UEVLD: variants seen among roughly 807,000 people sequenced by gnomAD.
UEVLD encodes the protein UEV and lactate/malate dehyrogenase domains, also known as ubiquitin-conjugating enzyme E2 variant 3.
Under a neutral mutation model 58.6 loss-of-function variants are expected in UEVLD, and 47 were observed. The observed-to-expected ratio is 0.80, with a 90% confidence interval of 0.63 to 1.02. The LOEUF is 1.02. Among genes scored for constraint, UEVLD ranks in the 50% least tolerant of loss-of-function variants. UEVLD has a pLI of 0.00. For missense variants in UEVLD, 510 were observed against 550.6 expected, an observed-to-expected ratio of 0.93 and a Z score of 0.74; for synonymous variants, 197 against 195.3, an observed-to-expected ratio of 1.01 and a Z score of -0.07.
At chr11:18,546,156 G>A (rs771096009) in intron 8 of UEVLD, among the ~76,000 whole-genome samples, 25 of 152,218 alleles carry the variant, frequency 1.6e-4, no homozygotes, top group Non-Finnish European at 2.9e-4. Context: ...TTTTGAGTAC[G>A]ACAGTTCCAA....
At chr11:18,538,613 C>A (rs945595948) in intron 9 of UEVLD, among the ~76,000 whole-genome samples, 2 of 150,996 alleles carry the variant, frequency 1.3e-5, no homozygotes, top group African/African-American at 4.9e-5. Context: ...ATGGCTGGCA[C>A]CTCTTGCACG....
At chr11:18,552,688 C>A (rs1388359783) in intron 7 of UEVLD, among the ~76,000 whole-genome samples, 1 of 151,570 alleles carries the variant, frequency 6.6e-6, no homozygotes, top group Non-Finnish European at 1.5e-5. Flanking sequence ...ATGGTGAAAC[C>A]CTGTCTCTAC....
At chr11:18,552,483 G>A (rs542735060) in intron 7 of UEVLD, among the ~76,000 whole-genome samples, 1 of 151,664 alleles carries the variant, frequency 6.6e-6, no homozygotes, top group African/African-American at 2.4e-5. Context: ...GGAGGCGGAG[G>A]TGGCAGTGAG....
intron 8 of UEVLD, among the ~76,000 whole-genome samples, chr11:18,546,080 C>T (rs1280020665): frequency 6.6e-6 from 1 of 152,142 alleles, no homozygotes; most frequent in African/African-American, 2.4e-5. Flanking sequence ...ACATTGGGAA[C>T]ATTTAAAAAA....
Position 18,588,681 on chromosome 11 carries a change from C to G in UEVLD, c.-27G>C, listed in dbSNP as rs1853726336. The G allele has an allele frequency of 1.2e-6, 2 of 1,605,232 alleles. No homozygotes were observed. The highest frequency in any genetic ancestry group is 2.7e-5 in the African/African-American group (2 of 74,894). On this transcript the variant is annotated 5_prime_UTR_variant, in exon 1 of 12. Coordinates refer to ENST00000396197, the MANE Select transcript of UEVLD (RefSeq NM_001040697.4). ...TCCAGGCCGGTCCCGAGCTAGGTCC[C>G]AGGACTCCAGCCCCCGGACCTTCTT...
rs890676886 is a variant in UEVLD, at chr11:18,542,890, C to CTTTTTTTTTTTTTTTTTTT, written c.1060+1732_1060+1733insAAAAAAAAAAAAAAAAAAA. Among the ~76,000 whole-genome samples the CTTTTTTTTTTTTTTTTTTT allele has an allele frequency of 4.9e-4, 62 of 125,896 alleles. 1 individual carries two copies. Among genetic ancestry groups the CTTTTTTTTTTTTTTTTTTT allele is most frequent in the Non-Finnish European group, 7.6e-4 (47 of 62,122 alleles). The allele number at this position is 125,896 out of a possible 152,430, so 82.6% of individuals were successfully genotyped here. On this transcript the variant is annotated intron_variant, in intron 9 of 11. Transcript: ENST00000396197. ...CAGAGGAGTTATTTTCTTTTCTTTT[C>CTTTTTTTTTTTTTTTTTTT]TTTTTTTTTTTTTTTTCTTTGAGAC...
At chr11:18,548,201 C>T (rs957173922) in intron 7 of UEVLD, among the ~76,000 whole-genome samples, 1 of 152,236 alleles carries the variant, frequency 6.6e-6, no homozygotes, top group Non-Finnish European at 1.5e-5. Context: ...GACCCTCCAG[C>T]ACACGTTATG....
chr11:18,566,539 C>A, intron 4 of UEVLD, 57 bp from the exon 5 acceptor site: 1 of 1,576,578 alleles, frequency 6.3e-7, no homozygotes, highest in Non-Finnish European at 8.6e-7. Flanking sequence ...AAGAATACTA[C>A]CTTTGTTGAG....
chr11:18,570,194 A>G lies in UEVLD; in HGVS notation c.357+20T>C, dbSNP rs375387299. On this transcript the variant is annotated intron_variant, in intron 4 of 11. Transcript: ENST00000396197. ...AAAAAAAAAAAAAAGCTTTCTGTAGAAAATCCAAATTGATCTTACATGGCT... is the reference window on the plus strand; with the variant it reads ...AAAAAAAAAAAAAAGCTTTCTGTAGGAAATCCAAATTGATCTTACATGGCT... 2 of 1,572,496 alleles carry G rather than the reference A, an allele frequency of 1.3e-6. No individual in the cohort carries two copies. The highest frequency in any genetic ancestry group is 2.8e-5 in the African/African-American group (2 of 71,524).
chr11:18,556,836 T>A (rs1851775547), intron 7 of UEVLD, among the ~76,000 whole-genome samples: 1 of 152,120 alleles, frequency 6.6e-6, no homozygotes, highest in African/African-American at 2.4e-5. Context: ...CTCATGACTG[T>A]AATCCTAGTA....
In UEVLD at chr11:18,583,804, G is replaced by A. The variant is rs529735657; in HGVS notation, c.42+4809C>T. ...AGCCTCTCGAGTAGCTGGGATTACA[G>A]GCATGCACCACCACACCCGGGTAAT... On this transcript the variant is annotated intron_variant, in intron 1 of 11. Transcript: ENST00000396197. Among the ~76,000 whole-genome samples, 6 of 151,960 alleles carry A rather than the reference G, an allele frequency of 3.9e-5. 1 individual carries two copies. The East Asian group carries it at 1.2e-3, about 30-fold the overall frequency.
intron 6 of UEVLD, among the ~76,000 whole-genome samples, chr11:18,562,559 A>AT (rs914066129): frequency 4.0e-5 from 6 of 150,580 alleles, no homozygotes; most frequent in African/African-American, 1.2e-4. Flanking sequence ...AAAAAAAAAA[A>AT]TTTTTTTTGT....
intron 9 of UEVLD, among the ~76,000 whole-genome samples, chr11:18,539,872 T>G (rs1850982357): frequency 6.6e-6 from 1 of 152,244 alleles, no homozygotes; most frequent in African/African-American, 2.4e-5. Context: ...TGTCATGTGA[T>G]TCCTCCCTAG....
rs542526268 is a variant in UEVLD, at chr11:18,578,928, C to T, written c.43-120G>A. 9.7e-5 allele frequency: 61 copies of T among 631,960 alleles called. 1 individual carries two copies. The highest frequency in any genetic ancestry group is 3.6e-4 in the South Asian group (18 of 49,796). The allele number at this position is 631,960 out of a possible 1,614,324, so 39.1% of individuals were successfully genotyped here. On this transcript the variant is annotated intron_variant, in intron 1 of 11. Coordinates refer to ENST00000396197, the MANE Select transcript of UEVLD (RefSeq NM_001040697.4). ...TGTTGCCCAGGCTGGAATGCAGTGG[C>T]GGGATCTCAGCTCACTGCAACCTCC... is the stretch of plus-strand genomic sequence containing the variant.
chr11:18,548,979 A>G (rs987395171), intron 7 of UEVLD, among the ~76,000 whole-genome samples: 2 of 152,360 alleles, frequency 1.3e-5, no homozygotes, highest in African/African-American at 4.8e-5. Context: ...GAAGGGATAT[A>G]CTTAACAATT....
Position 18,563,704 on chromosome 11 carries a change from T to C in UEVLD, c.612+1188A>G, listed in dbSNP as rs191565899. ...AAAAGACTGAATACAACTCAAATTC[T>C]AATTAAGAGGTAATAGCAGGCCAGG... On this transcript the variant is annotated intron_variant, in intron 6 of 11. Transcript: ENST00000396197. The C allele has an allele frequency of 4.0e-5, 39 of 985,654 alleles. No homozygotes were observed. In the African/African-American group the frequency reaches 5.8e-4, roughly 15 times the overall value. The allele number at this position is 985,654 out of a possible 1,614,324, so 61.1% of individuals were successfully genotyped here.
intron 6 of UEVLD, among the ~76,000 whole-genome samples, chr11:18,560,118 CACACACACACACACACACACAGAG>C (rs1437766731): frequency 1.5e-5 from 2 of 137,050 alleles, no homozygotes; most frequent in Non-Finnish European, 3.1e-5. Flanking sequence ...CACACACACA[CACACACACACACACACACACAGAG>C]AGAGAAAGAA....
chr11:18,546,414 ACT>A (rs1851302843), intron 8 of UEVLD, among the ~76,000 whole-genome samples: 1 of 152,150 alleles, frequency 6.6e-6, no homozygotes, highest in African/African-American at 2.4e-5. Context: ...AGAATATTAC[ACT>A]GTTTATTATA....
At chr11:18,580,226 C>A (rs1223886097) in intron 1 of UEVLD, among the ~76,000 whole-genome samples, 1 of 152,026 alleles carries the variant, frequency 6.6e-6, no homozygotes, top group Non-Finnish European at 1.5e-5. Flanking sequence ...GTAAAGAAAT[C>A]AGAACTCTCA....
Sources: gnomAD v4.1 joint callset for allele counts (sites outside exome capture counted in the v4.1 genomes callset) on GRCh38, gnomAD v4.1.1 for gene constraint, MANE v1.5 for transcripts, NCBI Gene and HGNC (gene_info 2026-07-23, HGNC 2026-07-21) for gene names.